EP300: variants seen among roughly 807,000 people sequenced by gnomAD.
The protein encoded by EP300 is EP300 lysine acetyltransferase, also known as histone acetyltransferase p300.
EP300 carries 31 observed loss-of-function variants against 264.0 expected under a neutral mutation model. That is an observed-to-expected ratio of 0.12 (90% CI 0.09 to 0.16). The LOEUF (loss-of-function observed/expected upper bound fraction) is 0.16, where lower values mean the gene tolerates loss of function less well. EP300 is among the 10% of genes least tolerant of loss of function. The pLI, the probability that EP300 is intolerant of heterozygous loss-of-function variation, is 1.00. For missense variants in EP300, 2,766 were observed against 3,052.9 expected (o/e 0.91, Z 2.21); for synonymous variants, 1,340 against 1,045.4 (o/e 1.28, Z -5.44).
intron 10 of EP300, among the ~76,000 whole-genome samples, chr22:41,146,175 T>C (rs2059009735): frequency 6.6e-6 from 1 of 151,380 alleles, no homozygotes; most frequent in Non-Finnish European, 1.5e-5. Context: ...ATTTTTTTTT[T>C]TTTTTTTGAG....
At chr22:41,127,387 A>G in intron 3 of EP300, 100 bp from the exon 4 acceptor site, 2 of 1,512,850 alleles carry the variant, frequency 1.3e-6, no homozygotes, top group South Asian at 2.3e-5. Flanking sequence ...CTTATAGTAG[A>G]CTAACCATAA....
chr22:41,177,954 G>C lies in EP300; in HGVS notation c.6243G>C (p.Leu2081Phe). The change falls in exon 31 of 31, where the codon TTG becomes TTC. Residue 2081 changes from leucine (L) to phenylalanine (F), a missense_variant. Leu to Phe is a conservative substitution (Grantham distance 22, BLOSUM62 0). Coordinates refer to ENST00000263253, the MANE Select transcript of EP300 (RefSeq NM_001429.4). ...TCCTTCACGCCAACCCCCAGCTGTTGGCTGCATTCATCAAGCAGCGGGCTG... is the reference window on the plus strand; with the variant it reads ...TCCTTCACGCCAACCCCCAGCTGTTCGCTGCATTCATCAAGCAGCGGGCTG... Reference protein sequence around the residue: ...LSILHANPQLLAAFIKQRAAK... With the variant: ...LSILHANPQLFAAFIKQRAAK... The C allele has an allele frequency of 1.2e-6, 2 of 1,614,128 alleles. No homozygotes were observed. The highest frequency in any genetic ancestry group is 1.7e-6 in the Non-Finnish European group (2 of 1,180,022).
At chr22:41,171,414 G>A (rs1327303651) in intron 27 of EP300, among the ~76,000 whole-genome samples, 1 of 152,126 alleles carries the variant, frequency 6.6e-6, no homozygotes, top group Non-Finnish European at 1.5e-5. Context: ...CCCGCTCATT[G>A]CAACCTGTGC....
At chr22:41,170,086 A>G (rs1004163210) in intron 26 of EP300, among the ~76,000 whole-genome samples, 5 of 152,206 alleles carry the variant, frequency 3.3e-5, no homozygotes, top group African/African-American at 1.2e-4. Flanking sequence ...TTTCCTTTGC[A>G]GTGTAATCTT....
At chr22:41,134,534 A>G (rs141786656) in intron 6 of EP300, among the ~76,000 whole-genome samples, 122 of 152,144 alleles carry the variant, frequency 8.0e-4, no homozygotes, top group African/African-American at 2.9e-3. Flanking sequence ...AGCTGGGACC[A>G]CATACGTGCA....
At position 41,150,189 on chromosome 22, in the gene EP300, T is replaced by G; in HGVS notation, c.2808T>G (p.Pro936=). The G allele has an allele frequency of 6.2e-7, 1 of 1,606,496 alleles. No homozygotes were observed. Among genetic ancestry groups the G allele is most frequent in the Non-Finnish European group, 8.5e-7 (1 of 1,178,548 alleles). ...TPTAPLLPPQ[P]ATPLSQPAVS... Reference sequence around the variant, plus strand: ...CAGCACCGCTGCTTCCTCCGCAGCCTGCAACTCCAGTAAGTAGAGATTTGG... The same window carrying G: ...CAGCACCGCTGCTTCCTCCGCAGCCGGCAACTCCAGTAAGTAGAGATTTGG... Residue 936 remains proline (P), a synonymous_variant, in exon 14 of 31, where the codon CCT becomes CCG. Transcript: ENST00000263253.
At position 41,129,967 on chromosome 22, in the gene EP300, C is replaced by T; in HGVS notation, c.1246C>T (p.Pro416Ser). 6.2e-7 allele frequency: 1 copy of T among 1,613,812 alleles called. No homozygotes were observed. The highest frequency in any genetic ancestry group is 8.5e-7 in the Non-Finnish European group (1 of 1,179,880). The change falls in exon 5 of 31, where the codon CCC (proline) becomes TCC (serine). Residue 416 changes from proline to serine, a missense_variant. By Grantham distance (74) the Pro-to-Ser change is moderately conservative (BLOSUM62 -1). Transcript: ENST00000263253. ...AAGACATGATTGTCCTGTGTGTCTC[C>T]CCCTCAAAAATGCTGGTGATAAGAG... ...CTRHDCPVCL[P>S]LKNAGDKRNQ...
intron 1 of EP300, among the ~76,000 whole-genome samples, chr22:41,109,302 A>C (rs561648482): frequency 1.3e-5 from 2 of 152,252 alleles, no homozygotes; most frequent in South Asian, 4.1e-4. Context: ...ACAGCAATCA[A>C]ATACAATAGA....
At chr22:41,154,227 C>A (rs1273285056) in intron 16 of EP300, among the ~76,000 whole-genome samples, 1 of 151,966 alleles carries the variant, frequency 6.6e-6, no homozygotes, top group Non-Finnish European at 1.5e-5. Context: ...ACGAAGGAGT[C>A]TTCTCTTCTG....
intron 1 of EP300, among the ~76,000 whole-genome samples, chr22:41,112,167 C>T (rs1461756878): frequency 3.3e-5 from 5 of 151,290 alleles, no homozygotes; most frequent in Admixed American, 6.6e-5. Context: ...GGATTACAAG[C>T]GTGAGCCACC....
chr22:41,143,892 T>TTG (rs1384444647), intron 10 of EP300, among the ~76,000 whole-genome samples: 2 of 152,222 alleles, frequency 1.3e-5, no homozygotes, highest in Admixed American at 6.5e-5. Context: ...TTTGATTTTT[T>TTG]TGTTTTAATA....
intron 6 of EP300, among the ~76,000 whole-genome samples, chr22:41,135,550 G>A (rs915218645): frequency 6.0e-5 from 9 of 151,228 alleles, no homozygotes; most frequent in African/African-American, 2.2e-4. Context: ...GAGCCTCTGC[G>A]CCTGGTCACA....
At chr22:41,134,082 T>C (rs151146421) in intron 6 of EP300, among the ~76,000 whole-genome samples, 76 of 152,268 alleles carry the variant, frequency 5.0e-4, no homozygotes, top group African/African-American at 1.7e-3. Flanking sequence ...ACCAGACCAT[T>C]TCTATTTTAA....
In EP300 at chr22:41,127,467, T is replaced by C. The variant is rs779225405; in HGVS notation, c.907-20T>C. Reference sequence around the variant, plus strand: ...GCACATTATGACTCCTACCATTAAATATATTGTTATATCTCTCAGGGTCAA... The same window carrying C: ...GCACATTATGACTCCTACCATTAAACATATTGTTATATCTCTCAGGGTCAA... On this transcript the variant is annotated intron_variant, in intron 3 of 30. Coordinates refer to ENST00000263253, the MANE Select transcript of EP300 (RefSeq NM_001429.4). 4 of 1,613,710 alleles carry C rather than the reference T, an allele frequency of 2.5e-6. No homozygotes were observed. In the South Asian group the frequency reaches 3.3e-5, roughly 13 times the overall value.
intron 6 of EP300, among the ~76,000 whole-genome samples, chr22:41,133,034 T>TAG: frequency 6.6e-6 from 1 of 152,188 alleles, no homozygotes; most frequent in East Asian, 1.9e-4. Flanking sequence ...TCCAGCATTG[T>TAG]AGAGACCAGG....
chr22:41,170,695 T>TCTGTCACGCAGG (rs2059164822), intron 27 of EP300, 124 bp downstream of exon 27: 1 of 1,065,704 alleles, frequency 9.4e-7, no homozygotes, highest in African/African-American at 1.7e-5. Flanking sequence ...GGAGTCTCGC[T>TCTGTCACGCAGG]CTGTCACGCA....
intron 1 of EP300, among the ~76,000 whole-genome samples, chr22:41,105,942 G>C (rs1404285203): frequency 6.6e-6 from 1 of 151,914 alleles, no homozygotes; most frequent in Non-Finnish European, 1.5e-5. Flanking sequence ...TAATTTTTTT[G>C]GAGTATTAGA....
chr22:41,149,813 G>T lies in EP300; in HGVS notation c.2432G>T (p.Gly811Val), dbSNP rs750026216. 1 of 1,613,720 alleles carries T rather than the reference G, an allele frequency of 6.2e-7. No homozygotes were observed. The highest frequency in any genetic ancestry group is 2.2e-5 in the East Asian group (1 of 44,876). Residue 811 changes from glycine (G) to valine (V), a missense_variant, in exon 14 of 31, where the codon GGG becomes GTG. By Grantham distance (109) the Gly-to-Val change is moderately radical. Transcript: ENST00000263253. ...CPVNSPIMPP[G>V]SQGSHIHCPQ... ...GTGAACTCTCCTATAATGCCTCCAG[G>T]GTCTCAGGGGAGCCACATTCACTGT...
In EP300 at chr22:41,152,222, G is replaced by A. The variant is rs1412870015; in HGVS notation, c.3014G>A (p.Cys1005Tyr). The change falls in exon 16 of 31, where the codon TGT becomes TAT. Residue 1005 changes from cysteine (C) to tyrosine (Y), a missense_variant. By Grantham distance (194) the Cys-to-Tyr change is radical. Transcript: ENST00000263253. ...EDISESKVED[C>Y]KMESTETEER... Reference sequence around the variant, plus strand: ...TTCTTTTAGTCTAAAGTGGAAGACTGTAAAATGGAATCTACCGAAACAGAA... The same window carrying A: ...TTCTTTTAGTCTAAAGTGGAAGACTATAAAATGGAATCTACCGAAACAGAA... 1 of 1,614,112 alleles carries A rather than the reference G, an allele frequency of 6.2e-7. No individual in the cohort carries two copies. Among genetic ancestry groups the A allele is most frequent in the Non-Finnish European group, 8.5e-7 (1 of 1,179,980 alleles).
Sources: allele counts gnomAD v4.1 joint callset (sites outside exome capture counted in the v4.1 genomes callset), GRCh38; gene constraint gnomAD v4.1.1; transcripts MANE v1.5; gene names NCBI Gene and HGNC (gene_info 2026-07-23, HGNC 2026-07-21).